Variants in BHMT2 observed in about 807,000 individuals in gnomAD.
The protein encoded by BHMT2 is S-methylmethionine--homocysteine S-methyltransferase BHMT2.
A neutral mutation model predicts 39.0 loss-of-function variants in BHMT2; 28 were observed. The observed-to-expected ratio is 0.72, with a 90% CI of 0.53 to 0.98. The LOEUF is 0.98. Among genes scored for constraint, BHMT2 ranks in the 50% least tolerant of loss-of-function variants. The pLI is 0.00. For synonymous variants in BHMT2, 145 were observed against 160.6 expected (o/e 0.90, Z 0.74); for missense variants, 410 against 455.6 (o/e 0.90, Z 0.91).
chr5:79,080,658 C>T (rs998046902), intron 3 of BHMT2, 29 bp from the exon 4 acceptor site: 2 of 1,553,866 alleles, frequency 1.3e-6, no homozygotes, highest in Non-Finnish European at 1.7e-6. Context: ...GCTAGGCTCA[C>T]TATCTGAACT....
chr5:79,079,618 G>A (rs939505515), intron 3 of BHMT2, among the ~76,000 whole-genome samples, 158 bp downstream of exon 3: 12 of 152,072 alleles, frequency 7.9e-5, no homozygotes, highest in Non-Finnish European at 1.5e-5. Flanking sequence ...TAAATAGGTC[G>A]GGCACAGTGG....
chr5:79,089,876 G>A lies in BHMT2; in HGVS notation c.*1302G>A, dbSNP rs1172878556. ...CCCAGCTACTTGGAGGCTGAGGCATGAGAATTGCTTGAACCTGGGAGGCAG... is the reference window on the plus strand; with the variant it reads ...CCCAGCTACTTGGAGGCTGAGGCATAAGAATTGCTTGAACCTGGGAGGCAG... On this transcript the variant is annotated 3_prime_UTR_variant, in exon 8 of 8. Coordinates refer to ENST00000255192, the MANE Select transcript of BHMT2 (RefSeq NM_017614.5). Among the ~76,000 whole-genome samples the A allele has an allele frequency of 6.6e-6, 1 of 152,192 alleles. No homozygotes were observed. The highest frequency in any genetic ancestry group is 1.5e-5 in the Non-Finnish European group (1 of 68,042).
chr5:79,088,397 T>TGTGG (rs1361371389), intron 7 of BHMT2, 96 bp from the exon 8 acceptor site: 4 of 702,136 alleles, frequency 5.7e-6, no homozygotes, highest in South Asian at 1.9e-5. Flanking sequence ...TGTGTGTGTG[T>TGTGG]GGTTATATAC....
Position 79,079,377 on chromosome 5 carries a change from C to G in BHMT2, c.175C>G (p.Leu59Val). The change falls in exon 3 of 8, where the codon CTT becomes GTT. Residue 59 changes from leucine (L) to valine (V), a missense_variant. By Grantham distance (32) the Leu-to-Val change is conservative. Coordinates refer to ENST00000255192, the MANE Select transcript of BHMT2 (RefSeq NM_017614.5). Reference protein sequence around the residue: ...VIEHPDAVRQLHMEFLRAGSN... With the variant: ...VIEHPDAVRQVHMEFLRAGSN... ...ACCCAACTACTTTGTAGTTCGTCAA[C>G]TTCACATGGAATTCTTGAGAGCAGG... 6.2e-7 allele frequency: 1 copy of G among 1,612,336 alleles called. No individual in the cohort carries two copies. Among genetic ancestry groups the G allele is most frequent in the Non-Finnish European group, 8.5e-7 (1 of 1,178,730 alleles).
intron 7 of BHMT2, among the ~76,000 whole-genome samples, chr5:79,088,039 G>A (rs595653): frequency 0.41 from 61,669 of 151,930 alleles, 15,144 homozygotes; most frequent in East Asian, 0.62. Context: ...AATTAGCCTG[G>A]TGTGGTGGTG....
chr5:79,081,086 G>C lies in BHMT2; in HGVS notation c.450+208G>C, dbSNP rs1755779264. 6.0e-6 allele frequency: 3 copies of C among 499,910 alleles called. No homozygotes were observed. In the East Asian group the frequency reaches 1.1e-4, roughly 19 times the overall value. The allele number at this position is 499,910 out of a possible 1,614,324, so 31.0% of individuals were successfully genotyped here. A position where few individuals can be genotyped will look rare whatever the true frequency, so the allele number is the denominator to read the frequency against. ...TTAGAGCCAAAGGACAGACCCAAGA[G>C]AGGCCTGACCATAGCCTTTTATCTT... On this transcript the variant is annotated intron_variant, in intron 4 of 7. Coordinates refer to ENST00000255192, the MANE Select transcript of BHMT2 (RefSeq NM_017614.5).
chr5:79,077,628 C>T lies in BHMT2; in HGVS notation c.166+16C>T. 1 of 1,609,746 alleles carries T rather than the reference C, an allele frequency of 6.2e-7. No homozygotes were observed. The highest frequency in any genetic ancestry group is 8.5e-7 in the Non-Finnish European group (1 of 1,178,258). ...CCAGACGCAGGTTGGTGTCCACATC[C>T]CCAAGAGTGTCTACCTGAGTGGTAT... On this transcript the variant is annotated intron_variant, in intron 2 of 7. Coordinates refer to ENST00000255192, the MANE Select transcript of BHMT2 (RefSeq NM_017614.5).
In BHMT2 at chr5:79,088,652, C is replaced by T; in HGVS notation, c.*78C>T. On this transcript the variant is annotated 3_prime_UTR_variant, in exon 8 of 8. Coordinates refer to ENST00000255192, the MANE Select transcript of BHMT2 (RefSeq NM_017614.5). ...AGCCTGACCTGGAACCGTTCCTCAC[C>T]TTCATCCTCACCATGCCCTGCTATC... 4.4e-6 allele frequency: 5 copies of T among 1,149,420 alleles called. No homozygotes were observed. Among genetic ancestry groups the T allele is most frequent in the Non-Finnish European group, 6.4e-6 (5 of 778,162 alleles). 71.2% of individuals were successfully genotyped at this position (1,149,420 alleles called of 1,614,324 possible). A position where few individuals can be genotyped will look rare whatever the true frequency, so the allele number is the denominator to read the frequency against.
chr5:79,077,310 G>A (rs978589999), intron 1 of BHMT2, among the ~76,000 whole-genome samples, 170 bp from the exon 2 acceptor site: 26 of 152,030 alleles, frequency 1.7e-4, no homozygotes, highest in African/African-American at 5.8e-4. Flanking sequence ...AACCTGGATC[G>A]GCCAAGAAAT....
intron 1 of BHMT2, among the ~76,000 whole-genome samples, chr5:79,073,928 C>T (rs896385728): frequency 6.6e-6 from 1 of 152,194 alleles, no homozygotes; most frequent in Admixed American, 6.5e-5. Context: ...TAAGAACTAG[C>T]ATCCCCAATC....
At chr5:79,079,963 G>A (rs1755754793) in intron 3 of BHMT2, among the ~76,000 whole-genome samples, 1 of 152,212 alleles carries the variant, frequency 6.6e-6, no homozygotes, top group African/African-American at 2.4e-5. Flanking sequence ...GAGGGGTCAG[G>A]ACTAGGGGTA....
chr5:79,071,777 G>A (rs558295522), intron 1 of BHMT2, among the ~76,000 whole-genome samples: 91 of 142,144 alleles, frequency 6.4e-4, no homozygotes, highest in African/African-American at 2.3e-3. Flanking sequence ...ATTTACCTGT[G>A]TAACAAACCT....
intron 2 of BHMT2, 61 bp downstream of exon 2, chr5:79,077,673 G>A: frequency 6.5e-7 from 1 of 1,544,178 alleles, no homozygotes; most frequent in East Asian, 2.3e-5. Flanking sequence ...ATCTGATTGA[G>A]AGAAGATCAA....
chr5:79,082,501 T>C (rs1476175865), intron 4 of BHMT2: 3 of 198,984 alleles, frequency 1.5e-5, no homozygotes, highest in Admixed American at 5.6e-5. Context: ...TACAAAATTA[T>C]GATTTTAAAT....
At chr5:79,070,695 T>C (rs1457298327) in intron 1 of BHMT2, among the ~76,000 whole-genome samples, 2 of 152,298 alleles carry the variant, frequency 1.3e-5, no homozygotes, top group East Asian at 3.9e-4. Flanking sequence ...CAAGATACTC[T>C]GCAATACGGG....
intron 4 of BHMT2, 178 bp from the exon 5 acceptor site, chr5:79,082,631 G>A: frequency 1.6e-6 from 1 of 608,710 alleles, no homozygotes; most frequent in African/African-American, 1.9e-5. Context: ...GAATGAAAAT[G>A]TTTACTCAGA....
At chr5:79,083,090 G>A in intron 5 of BHMT2, 102 bp from the exon 6 acceptor site, 1 of 1,568,602 alleles carries the variant, frequency 6.4e-7, no homozygotes, top group Non-Finnish European at 8.7e-7. Context: ...GTAAATTGTG[G>A]GAGGTGGAGG....
chr5:79,082,857 G>A lies in BHMT2; in HGVS notation c.499G>A (p.Glu167Lys). 6.2e-7 allele frequency: 1 copy of A among 1,614,162 alleles called. No individual in the cohort carries two copies. The highest frequency in any genetic ancestry group is 8.5e-7 in the Non-Finnish European group (1 of 1,180,020). Reference protein sequence around the residue: ...EAVWAVEVLKESDRPVAVTMC... With the variant: ...EAVWAVEVLKKSDRPVAVTMC... ...TGTGTGGGCTGTGGAAGTCTTAAAA[G>A]AATCAGATAGACCCGTGGCAGTTAC... The change falls in exon 5 of 8, where the codon GAA becomes AAA. Residue 167 changes from glutamate to lysine, a missense_variant. Glu to Lys is a moderately conservative substitution (Grantham distance 56). Coordinates refer to ENST00000255192, the MANE Select transcript of BHMT2 (RefSeq NM_017614.5).
rs1362695882 is a variant in BHMT2 at position 79,089,715 on chromosome 5, C to G, written c.*1141C>G. Reference sequence around the variant, plus strand: ...GGGGCACAGGCTGACACCTATAATCCCAGCACTTTGGGAGGCCAGGGCGGG... The same window carrying G: ...GGGGCACAGGCTGACACCTATAATCGCAGCACTTTGGGAGGCCAGGGCGGG... On this transcript the variant is annotated 3_prime_UTR_variant, in exon 8 of 8. Coordinates refer to ENST00000255192, the MANE Select transcript of BHMT2 (RefSeq NM_017614.5). Among the ~76,000 whole-genome samples the G allele has an allele frequency of 1.3e-5, 2 of 152,064 alleles. No individual in the cohort carries two copies. The highest frequency in any genetic ancestry group is 1.9e-4 in the East Asian group (1 of 5,176).
Sources: gnomAD v4.1 joint callset for allele counts (sites outside exome capture counted in the v4.1 genomes callset) on GRCh38, gnomAD v4.1.1 for gene constraint, MANE v1.5 for transcripts, NCBI Gene and HGNC (gene_info 2026-07-23, HGNC 2026-07-21) for gene names.